ZNF804A: variants seen among roughly 807,000 people sequenced by gnomAD.
ZNF804A encodes zinc finger protein 804A.
In ZNF804A, 2 loss-of-function variants were observed where a neutral mutation model predicts 16.5. The observed-to-expected ratio is 0.12, with a 90% CI of 0.05 to 0.38. ZNF804A has a LOEUF of 0.38. Ranked by LOEUF, ZNF804A falls within the 10% of genes least tolerant of loss-of-function variation. The pLI is 0.99. For synonymous variants in ZNF804A, 534 were observed against 489.6 expected (o/e 1.09, Z -1.20); for missense variants, 1,473 against 1,390.7 (o/e 1.06, Z -0.94).
intron 1 of ZNF804A, among the ~76,000 whole-genome samples, chr2:184,783,148 T>G (rs373019243): frequency 7.5e-6 from 1 of 132,760 alleles, no homozygotes; most frequent in Non-Finnish European, 1.7e-5. Flanking sequence ...GTTTTTTTTT[T>G]TTTTTTTTTT....
chr2:184,722,979 C>T (rs887697433), intron 1 of ZNF804A, among the ~76,000 whole-genome samples: 3 of 151,798 alleles, frequency 2.0e-5, no homozygotes, highest in African/African-American at 7.2e-5. Flanking sequence ...GGTAATCATC[C>T]AATTTAAGAA....
chr2:184,752,481 T>C (rs1411291109), intron 1 of ZNF804A, among the ~76,000 whole-genome samples: 1 of 151,126 alleles, frequency 6.6e-6, no homozygotes. Flanking sequence ...CTCCAAAATG[T>C]GGGGGATAGG....
chr2:184,669,729 G>T (rs1692312126), intron 1 of ZNF804A, among the ~76,000 whole-genome samples: 1 of 149,056 alleles, frequency 6.7e-6, no homozygotes, highest in South Asian at 2.1e-4. Flanking sequence ...CCTCCTGGAT[G>T]ACTTGGTTGC....
chr2:184,830,316 A>G (rs1197137576), intron 1 of ZNF804A, among the ~76,000 whole-genome samples: 1 of 152,156 alleles, frequency 6.6e-6, no homozygotes, highest in Non-Finnish European at 1.5e-5. Flanking sequence ...ATTTTTTATA[A>G]GAAGTCTAGC....
intron 1 of ZNF804A, among the ~76,000 whole-genome samples, chr2:184,696,849 A>C (rs1385690250): frequency 6.6e-6 from 1 of 152,070 alleles, no homozygotes; most frequent in African/African-American, 2.4e-5. Context: ...TGATTAAGCT[A>C]TCTGTTCTTC....
intron 1 of ZNF804A, among the ~76,000 whole-genome samples, chr2:184,809,682 G>A (rs562561636): frequency 9.4e-4 from 142 of 151,748 alleles, no homozygotes; most frequent in African/African-American, 3.3e-3. Context: ...ATGAGTGTTG[G>A]CTTTTTAAGG....
At chr2:184,611,701 CAG>C (rs1224234654) in intron 1 of ZNF804A, among the ~76,000 whole-genome samples, 1 of 150,116 alleles carries the variant, frequency 6.7e-6, no homozygotes, top group Non-Finnish European at 1.5e-5. Context: ...TTCAAAAAAA[CAG>C]GCATAGTAAT....
chr2:184,788,993 T>C (rs1222834303), intron 1 of ZNF804A, among the ~76,000 whole-genome samples: 8 of 152,034 alleles, frequency 5.3e-5, no homozygotes, highest in Non-Finnish European at 1.0e-4. Context: ...TGGTTCTTAT[T>C]ATTTTGAAAT....
intron 1 of ZNF804A, among the ~76,000 whole-genome samples, chr2:184,852,278 C>T (rs1328721216): frequency 1.3e-5 from 2 of 148,220 alleles, no homozygotes; most frequent in Non-Finnish European, 1.5e-5. Flanking sequence ...TCAGAATATC[C>T]GATTGTACTG....
chr2:184,745,208 G>A (rs1693771464), intron 1 of ZNF804A, among the ~76,000 whole-genome samples: 1 of 151,660 alleles, frequency 6.6e-6, no homozygotes, highest in Non-Finnish European at 1.5e-5. Flanking sequence ...ACAGATATTG[G>A]CATTGTAATA....
intron 1 of ZNF804A, among the ~76,000 whole-genome samples, chr2:184,633,297 A>G (rs1349908930): frequency 6.6e-6 from 1 of 152,206 alleles, no homozygotes. Context: ...TTACCTGGGA[A>G]TAGAATGTCA....
At chr2:184,851,193 G>A (rs1695596860) in intron 1 of ZNF804A, among the ~76,000 whole-genome samples, 1 of 151,780 alleles carries the variant, frequency 6.6e-6, no homozygotes. Context: ...TTTGTGGAGA[G>A]AGCACGTAAA....
At chr2:184,891,564 G>A (rs1025232490) in intron 2 of ZNF804A, among the ~76,000 whole-genome samples, 1 of 136,246 alleles carries the variant, frequency 7.3e-6, no homozygotes, top group Non-Finnish European at 1.5e-5. Context: ...ATGTTTACAG[G>A]TCTGTAGGAA....
rs184872983 is a variant in ZNF804A, at chr2:184,893,538, T to C, written c.255+27026T>C. ...TTTCAAATGCAAGTATTTAAACTTT[T>C]ATAAATTAAATTAGTCTCTCAGGGA... On this transcript the variant is annotated intron_variant, in intron 2 of 3. Transcript: ENST00000302277. 3.9e-5 allele frequency among the ~76,000 whole-genome samples: 6 copies of C among 152,168 alleles called. No homozygotes were observed. The East Asian group carries it at 1.2e-3, about 29-fold the overall frequency.
At chr2:184,879,944 T>C (rs1416091652) in intron 2 of ZNF804A, among the ~76,000 whole-genome samples, 1 of 152,076 alleles carries the variant, frequency 6.6e-6, no homozygotes. Flanking sequence ...TAACTGGCTT[T>C]GGTTTAAGCG....
intron 1 of ZNF804A, among the ~76,000 whole-genome samples, chr2:184,667,094 A>G (rs1429225557): frequency 6.6e-6 from 1 of 151,972 alleles, no homozygotes; most frequent in Non-Finnish European, 1.5e-5. Flanking sequence ...CTTAAAATGC[A>G]TTGTATTGAG....
chr2:184,898,379 T>C (rs1685122886), intron 2 of ZNF804A, among the ~76,000 whole-genome samples: 1 of 148,566 alleles, frequency 6.7e-6, no homozygotes, highest in Non-Finnish European at 1.5e-5. Context: ...AATAGCTCTT[T>C]ACTTGGAAGT....
chr2:184,652,412 G>T (rs1405655728), intron 1 of ZNF804A, among the ~76,000 whole-genome samples: 1 of 151,926 alleles, frequency 6.6e-6, no homozygotes, highest in East Asian at 1.9e-4. Context: ...ATCTTCTCAT[G>T]TATCTCCTGA....
intron 1 of ZNF804A, among the ~76,000 whole-genome samples, chr2:184,709,453 G>A (rs1693087849): frequency 6.6e-6 from 1 of 151,728 alleles, no homozygotes; most frequent in Non-Finnish European, 1.5e-5. Context: ...TTTTTTTCCT[G>A]TTTCCAATAT....
Sources: allele counts gnomAD v4.1 joint callset (sites outside exome capture counted in the v4.1 genomes callset), GRCh38; gene constraint gnomAD v4.1.1; transcripts MANE v1.5; gene names NCBI Gene and HGNC (gene_info 2026-07-23, HGNC 2026-07-21).